The following PDZRN3 variants were observed in gnomAD, a reference collection of about 807,000 sequenced individuals.
The protein encoded by PDZRN3 is E3 ubiquitin-protein ligase PDZRN3.
In PDZRN3, 38 loss-of-function variants were observed where a neutral mutation model predicts 85.7. The ratio of observed to expected loss-of-function variants is 0.44; its 90% CI spans 0.34 to 0.58. The LOEUF is 0.58. Among genes scored for constraint, PDZRN3 ranks in the 20% least tolerant of loss-of-function variants. The pLI is 0.01. For missense variants in PDZRN3, 1,629 were observed against 1,506.4 expected (o/e 1.08, Z -1.35); for synonymous variants, 759 against 638.0 (o/e 1.19, Z -2.86).
At chr3:73,563,045 G>A (rs1236307772) in intron 3 of PDZRN3, among the ~76,000 whole-genome samples, 26 of 73,496 alleles carry the variant, frequency 3.5e-4, no homozygotes, top group African/African-American at 1.4e-3. Context: ...TTGAGACAGA[G>A]TCTAGTTCAG....
chr3:73,624,940 C>G lies in PDZRN3; in HGVS notation c.-115G>C, dbSNP rs777357673. The G allele has an allele frequency of 4.9e-5, 39 of 788,826 alleles. No individual in the cohort carries two copies. The highest frequency in any genetic ancestry group is 6.2e-5 in the Non-Finnish European group (36 of 584,358). The allele number at this position is 788,826 out of a possible 1,614,324, so 48.9% of individuals were successfully genotyped here. A position where few individuals can be genotyped will look rare whatever the true frequency, so the allele number is the denominator to read the frequency against. ...CGCGCGCTCGCTGGCTCTCCCCGGA[C>G]TGAGCCTAATTGATCCAGACTTCCT... On this transcript the variant is annotated 5_prime_UTR_variant, in exon 1 of 10. Transcript: ENST00000263666.
At chr3:73,400,867 G>T in intron 5 of PDZRN3, 55 bp downstream of exon 5, 1 of 1,208,724 alleles carries the variant, frequency 8.3e-7, no homozygotes, top group Non-Finnish European at 1.2e-6. Flanking sequence ...AACTTATTAG[G>T]CATTCTGTGT....
At chr3:73,590,144 C>A (rs1419802678) in intron 3 of PDZRN3, among the ~76,000 whole-genome samples, 3 of 123,306 alleles carry the variant, frequency 2.4e-5, no homozygotes, top group African/African-American at 7.7e-5. Flanking sequence ...TGACGGGCAC[C>A]TGTAATCCCA....
intron 3 of PDZRN3, among the ~76,000 whole-genome samples, chr3:73,506,239 A>G (rs2106696616): frequency 6.6e-6 from 1 of 152,324 alleles, no homozygotes; most frequent in Non-Finnish European, 1.5e-5. Context: ...TTGATCTTGC[A>G]ACGTCCGTTT....
chr3:73,554,687 C>G (rs1701649034), intron 3 of PDZRN3, among the ~76,000 whole-genome samples: 1 of 152,126 alleles, frequency 6.6e-6, no homozygotes, highest in Non-Finnish European at 1.5e-5. Flanking sequence ...AAAAAATAAG[C>G]CAAATTCCAC....
intron 5 of PDZRN3, among the ~76,000 whole-genome samples, chr3:73,399,154 A>G (rs986528197): frequency 6.6e-6 from 1 of 152,240 alleles, no homozygotes; most frequent in Non-Finnish European, 1.5e-5. Flanking sequence ...CCACTGCTAC[A>G]AAGTCAAGTT....
rs113710542 is a variant in PDZRN3, at chr3:73,605,202, C to T, written c.811-2741G>A. Among the ~76,000 whole-genome samples, 1,193 of 141,480 alleles carry T rather than the reference C, an allele frequency of 8.4e-3. 14 individuals carry two copies. Among genetic ancestry groups the T allele is most frequent in the African/African-American group, 0.033 (1,115 of 33,434 alleles). The allele number at this position is 141,480 out of a possible 152,430, so 92.8% of individuals were successfully genotyped here. A position where few individuals can be genotyped will look rare whatever the true frequency, so the allele number is the denominator to read the frequency against. On this transcript the variant is annotated intron_variant, in intron 2 of 9. Transcript: ENST00000263666. ...AACCTGGGTGACAGAGTGAGACCCC[C>T]GTCTCAAAAAAAAAAAAAAAGCTAG...
At chr3:73,428,717 G>T (rs1702369041) in intron 3 of PDZRN3, among the ~76,000 whole-genome samples, 1 of 152,140 alleles carries the variant, frequency 6.6e-6, no homozygotes, top group Non-Finnish European at 1.5e-5. Flanking sequence ...CCCACCCTAG[G>T]TCGTTTCTTT....
chr3:73,473,284 T>C (rs1295829318), intron 3 of PDZRN3, among the ~76,000 whole-genome samples: 2 of 152,150 alleles, frequency 1.3e-5, no homozygotes, highest in East Asian at 3.8e-4. Context: ...GGGCCAATAT[T>C]TGGTGCAAGT....
intron 3 of PDZRN3, among the ~76,000 whole-genome samples, chr3:73,412,452 G>A (rs1018297280): frequency 8.5e-5 from 13 of 152,198 alleles, no homozygotes; most frequent in Non-Finnish European, 1.2e-4. Context: ...TAAAAAGAGC[G>A]TTTAATGGTG....
chr3:73,521,881 A>G (rs764257482), intron 3 of PDZRN3, among the ~76,000 whole-genome samples: 2 of 152,124 alleles, frequency 1.3e-5, no homozygotes, highest in South Asian at 2.1e-4. Context: ...CAGTGGTTGC[A>G]TGCACCTCTC....
chr3:73,567,971 C>T (rs866773062), intron 3 of PDZRN3, among the ~76,000 whole-genome samples: 4 of 151,954 alleles, frequency 2.6e-5, no homozygotes, highest in South Asian at 2.1e-4. Context: ...GTGGCTAATG[C>T]GATAATGAAA....
intron 3 of PDZRN3, among the ~76,000 whole-genome samples, chr3:73,572,819 T>C (rs1375131844): frequency 2.6e-5 from 4 of 152,188 alleles, no homozygotes; most frequent in Admixed American, 2.6e-4. Context: ...CCTCCTGCAT[T>C]TGGGAAAACT....
intron 3 of PDZRN3, among the ~76,000 whole-genome samples, chr3:73,431,060 T>C (rs925027773): frequency 1.4e-4 from 22 of 152,210 alleles, no homozygotes; most frequent in African/African-American, 3.6e-4. Context: ...ACTGCTATAC[T>C]TGTCTGACCT....
At chr3:73,500,957 A>C (rs1459241124) in intron 3 of PDZRN3, among the ~76,000 whole-genome samples, 1 of 152,096 alleles carries the variant, frequency 6.6e-6, no homozygotes, top group Non-Finnish European at 1.5e-5. Context: ...TCCTACGTGC[A>C]AGTCTGGTCT....
chr3:73,425,479 C>G (rs1026185101), intron 3 of PDZRN3, among the ~76,000 whole-genome samples: 1 of 152,030 alleles, frequency 6.6e-6, no homozygotes, highest in East Asian at 1.9e-4. Flanking sequence ...GTTTGAGAAC[C>G]ACTGCCCTAG....
At chr3:73,607,593 T>C (rs1351392214) in intron 2 of PDZRN3, among the ~76,000 whole-genome samples, 1 of 152,170 alleles carries the variant, frequency 6.6e-6, no homozygotes, top group Non-Finnish European at 1.5e-5. Context: ...TCCTTTAGGT[T>C]TCTGTTTACT....
chr3:73,511,405 G>GC (rs148982879), intron 3 of PDZRN3, among the ~76,000 whole-genome samples: 4,379 of 152,220 alleles, frequency 0.029, 210 homozygotes, highest in African/African-American at 0.099. Context: ...TGTCGGCTGG[G>GC]CCCCCCGTCT....
At chr3:73,442,845 C>G (rs1418099650) in intron 3 of PDZRN3, among the ~76,000 whole-genome samples, 1 of 152,158 alleles carries the variant, frequency 6.6e-6, no homozygotes. Flanking sequence ...TCCTCCCAGG[C>G]CTCTTCACTG....
Sources: allele counts gnomAD v4.1 joint callset (sites outside exome capture counted in the v4.1 genomes callset), GRCh38; gene constraint gnomAD v4.1.1; transcripts MANE v1.5; gene names NCBI Gene and HGNC (gene_info 2026-07-23, HGNC 2026-07-21).